The following PCDH9 variants were observed in gnomAD, a reference collection of about 807,000 sequenced individuals.
PCDH9 encodes the protein protocadherin 9.
Under a neutral mutation model 70.6 loss-of-function variants are expected in PCDH9, and 24 were observed. The ratio of observed to expected loss-of-function variants is 0.34; its 90% CI spans 0.25 to 0.48. The LOEUF is 0.48. Among genes scored for constraint, PCDH9 ranks in the 20% least tolerant of loss-of-function variants. The pLI, the probability that PCDH9 is intolerant of heterozygous loss-of-function variation, is 0.99. For missense variants in PCDH9, 1,281 were observed against 1,503.6 expected (o/e 0.85, Z 2.45); for synonymous variants, 562 against 558.5 (o/e 1.01, Z -0.09).
chr13:66,840,050 AT>A (rs1216054581), intron 3 of PCDH9, among the ~76,000 whole-genome samples: 1 of 152,180 alleles, frequency 6.6e-6, no homozygotes, highest in Non-Finnish European at 1.5e-5. Context: ...GTTGTTGGCC[AT>A]TCCTAGGATG....
intron 2 of PCDH9, among the ~76,000 whole-genome samples, chr13:67,026,711 C>G (rs1378913909): frequency 6.6e-6 from 1 of 152,022 alleles, no homozygotes; most frequent in African/African-American, 2.4e-5. Context: ...GCAACTTCAG[C>G]AAAGTCTCAG....
At chr13:66,745,890 C>T (rs1462856941) in intron 3 of PCDH9, among the ~76,000 whole-genome samples, 2 of 152,126 alleles carry the variant, frequency 1.3e-5, no homozygotes, top group Non-Finnish European at 2.9e-5. Flanking sequence ...ACAAGGAGAA[C>T]ATTTTTACTT....
intron 3 of PCDH9, among the ~76,000 whole-genome samples, chr13:66,712,539 A>G (rs1305661544): frequency 6.6e-6 from 1 of 152,182 alleles, no homozygotes; most frequent in Non-Finnish European, 1.5e-5. Context: ...TGTAAATACA[A>G]CACCTTTTTA....
intron 3 of PCDH9, among the ~76,000 whole-genome samples, chr13:66,750,383 A>G (rs768449446): frequency 2.0e-5 from 3 of 152,044 alleles, no homozygotes; most frequent in Non-Finnish European, 4.4e-5. Flanking sequence ...CTCATTCTCC[A>G]AGTAAGCAAC....
chr13:66,898,783 T>C (rs908792774), intron 3 of PCDH9, among the ~76,000 whole-genome samples: 1 of 152,094 alleles, frequency 6.6e-6, no homozygotes, highest in Non-Finnish European at 1.5e-5. Context: ...AAGTAGCAGA[T>C]AATGTTACCA....
intron 4 of PCDH9, among the ~76,000 whole-genome samples, chr13:66,378,913 G>A (rs956581341): frequency 1.3e-5 from 2 of 152,154 alleles, no homozygotes; most frequent in Non-Finnish European, 2.9e-5. Context: ...TGCTGAATTA[G>A]AAAGATGACA....
intron 4 of PCDH9, among the ~76,000 whole-genome samples, chr13:66,570,833 G>A (rs146347009): frequency 5.9e-5 from 9 of 152,104 alleles, no homozygotes; most frequent in African/African-American, 2.2e-4. Context: ...TTTGTCATTA[G>A]AGGACACATT....
At chr13:66,408,444 T>TC (rs1957319782) in intron 4 of PCDH9, among the ~76,000 whole-genome samples, 1 of 152,256 alleles carries the variant, frequency 6.6e-6, no homozygotes, top group Non-Finnish European at 1.5e-5. Flanking sequence ...ATATACATTT[T>TC]CATAAACAGG....
intron 3 of PCDH9, among the ~76,000 whole-genome samples, chr13:66,888,742 G>A (rs2139560577): frequency 6.6e-6 from 1 of 152,176 alleles, no homozygotes; most frequent in Non-Finnish European, 1.5e-5. Context: ...AAAGTATCAT[G>A]CAATTTTACT....
chr13:66,635,956 C>G (rs966110198), intron 3 of PCDH9, among the ~76,000 whole-genome samples: 1 of 152,026 alleles, frequency 6.6e-6, no homozygotes, highest in Non-Finnish European at 1.5e-5. Context: ...TAAGTATTGA[C>G]AATACTTACA....
intron 4 of PCDH9, among the ~76,000 whole-genome samples, chr13:66,538,378 A>C (rs1294936956): frequency 4.6e-5 from 7 of 152,172 alleles, no homozygotes; most frequent in Non-Finnish European, 2.9e-5. Context: ...AAATTATTTC[A>C]CAAGAATGGT....
At chr13:67,025,443 T>A (rs1248192727) in intron 2 of PCDH9, among the ~76,000 whole-genome samples, 1 of 152,128 alleles carries the variant, frequency 6.6e-6, no homozygotes, top group Non-Finnish European at 1.5e-5. Context: ...TTTTTTAATG[T>A]TTCTTTTCTT....
chr13:66,362,730 A>C (rs941939121), intron 4 of PCDH9, among the ~76,000 whole-genome samples: 1 of 151,848 alleles, frequency 6.6e-6, no homozygotes, highest in Non-Finnish European at 1.5e-5. Context: ...GTGTGTGTGC[A>C]TCTGATTCTG....
rs145270313 is a variant in PCDH9, at chr13:66,560,482, C to G, written c.3340+70728G>C. 2.0e-4 allele frequency among the ~76,000 whole-genome samples: 31 copies of G among 152,270 alleles called. 1 individual carries two copies. The East Asian group carries it at 5.8e-3, about 28-fold the overall frequency. The stretch of plus-strand genomic sequence containing the variant: ...TGAGTAAACACTGTATGGCTTGAGT[C>G]CAGCATGTGTGTTTTCTGTATCACA... On this transcript the variant is annotated intron_variant, in intron 4 of 4. Transcript: ENST00000377865.
At chr13:67,035,683 C>T (rs192029770) in intron 2 of PCDH9, among the ~76,000 whole-genome samples, 60 of 151,276 alleles carry the variant, frequency 4.0e-4, no homozygotes, top group African/African-American at 1.3e-3. Flanking sequence ...TGAACATAAA[C>T]GAACTTTTCT....
intron 3 of PCDH9, among the ~76,000 whole-genome samples, chr13:66,887,398 G>T (rs535976548): frequency 6.6e-6 from 1 of 152,016 alleles, no homozygotes; most frequent in Admixed American, 6.6e-5. Flanking sequence ...AAAATGCTAC[G>T]TTCTATTTTC....
intron 2 of PCDH9, among the ~76,000 whole-genome samples, chr13:67,003,797 C>T (rs1359437218): frequency 2.0e-5 from 3 of 152,144 alleles, no homozygotes; most frequent in Non-Finnish European, 4.4e-5. Flanking sequence ...TTTACAGGAA[C>T]GCTTTTAATG....
chr13:66,773,575 A>G (rs1392137441), intron 3 of PCDH9, among the ~76,000 whole-genome samples: 2 of 151,428 alleles, frequency 1.3e-5, no homozygotes, highest in African/African-American at 4.8e-5. Flanking sequence ...GCTTGCAGTG[A>G]GCCGAGATTG....
intron 4 of PCDH9, among the ~76,000 whole-genome samples, chr13:66,552,134 A>C (rs1961515201): frequency 6.6e-6 from 1 of 152,108 alleles, no homozygotes; most frequent in African/African-American, 2.4e-5. Flanking sequence ...TTTGAGGCAG[A>C]TGTTCACCCT....
Sources: gnomAD v4.1 joint callset for allele counts (sites outside exome capture counted in the v4.1 genomes callset) on GRCh38, gnomAD v4.1.1 for gene constraint, MANE v1.5 for transcripts, NCBI Gene and HGNC (gene_info 2026-07-23, HGNC 2026-07-21) for gene names.